Variants in SAR1A observed in about 807,000 individuals in gnomAD.
SAR1A encodes small COPII coat GTPase SAR1A.
SAR1A carries 6 observed loss-of-function variants against 22.6 expected under a neutral mutation model. That is an observed-to-expected ratio of 0.27 (90% CI 0.15 to 0.52). The LOEUF is 0.52. Ranked by LOEUF, SAR1A falls within the 20% of genes least tolerant of loss-of-function variation. The probability of loss-of-function intolerance (pLI) is 0.96; values close to 1 mark genes in which losing one functional copy is unlikely to be tolerated. For missense variants in SAR1A, 145 were observed against 245.1 expected (o/e 0.59, Z 2.73); for synonymous variants, 70 against 82.2 (o/e 0.85, Z 0.80).
chr10:70,166,340 A>G (rs1162360383), intron 1 of SAR1A, among the ~76,000 whole-genome samples: 2 of 152,232 alleles, frequency 1.3e-5, no homozygotes, highest in African/African-American at 4.8e-5. Context: ...GTGAAGAACA[A>G]CTCTAGGAAA....
rs1839469478 is a variant in SAR1A, at chr10:70,161,735, A to G, written c.62T>C (p.Leu21Pro). ...TACAAGTTTTCCAGATTTCTTGTAC[A>G]GTCCTAAAAGAGAAAAAAATTGTTA... Reference protein sequence around the residue: ...GFSSVLQFLGLYKKSGKLVFL... With the variant: ...GFSSVLQFLGPYKKSGKLVFL... Residue 21 changes from leucine to proline, a missense_variant, in exon 3 of 7, where the codon CTG becomes CCG. Around this residue, in one of 3 missense-constraint regions of SAR1A, gnomAD observed 22 missense variants for 24.8 expected, o/e 0.89. Coordinates refer to ENST00000373241, the MANE Select transcript of SAR1A (RefSeq NM_020150.5). 1.2e-6 allele frequency: 2 copies of G among 1,613,752 alleles called. No homozygotes were observed. Among genetic ancestry groups the G allele is most frequent in the African/African-American group, 1.3e-5 (1 of 75,006 alleles).
chr10:70,154,961 AAG>A (rs1839368984), intron 5 of SAR1A: 1 of 401,996 alleles, frequency 2.5e-6, no homozygotes, highest in African/African-American at 2.1e-5. Context: ...AAGGAGAAGT[AAG>A]AACATAAACA....
intron 1 of SAR1A, chr10:70,162,541 G>C (rs1220011307): frequency 6.6e-6 from 1 of 150,398 alleles, no homozygotes; most frequent in Non-Finnish European, 1.5e-5. Context: ...AGGAAGCAAA[G>C]TAAAGAGAAA....
At chr10:70,163,759 T>C (rs921071448) in intron 1 of SAR1A, 85 of 994,364 alleles carry the variant, frequency 8.5e-5, no homozygotes, top group Non-Finnish European at 1.3e-4. Context: ...AAGATGGTGA[T>C]GGAACTATAA....
At chr10:70,169,290 C>A (rs1839593413) in intron 1 of SAR1A, among the ~76,000 whole-genome samples, 1 of 151,936 alleles carries the variant, frequency 6.6e-6, no homozygotes, top group Admixed American at 6.6e-5. Context: ...ACTAAAACTT[C>A]TTTAACCCAC....
chr10:70,149,869 T>C lies in SAR1A; in HGVS notation c.*2607A>G, dbSNP rs1839307193. 1 of 152,144 alleles carries C rather than the reference T, an allele frequency of 6.6e-6. No homozygotes were observed. Among genetic ancestry groups the C allele is most frequent in the Admixed American group, 6.5e-5 (1 of 15,276 alleles). 9.4% of individuals were successfully genotyped at this position (152,144 alleles called of 1,614,324 possible). On this transcript the variant is annotated 3_prime_UTR_variant, in exon 7 of 7. Transcript: ENST00000373241. ...ACACCTGGCCAATTCTAATTCTGTG[T>C]AAAATGAGTGAAACACAGCTAAACT...
intron 1 of SAR1A, chr10:70,163,840 T>G (rs1298600335): frequency 6.5e-7 from 1 of 1,533,508 alleles, no homozygotes; most frequent in African/African-American, 1.4e-5. Flanking sequence ...CAGGACATGA[T>G]TAATGAAGTA....
intron 1 of SAR1A, among the ~76,000 whole-genome samples, chr10:70,167,773 G>T (rs1179387845): frequency 6.6e-6 from 1 of 152,178 alleles, no homozygotes; most frequent in South Asian, 2.1e-4. Context: ...AGTTTGGGTG[G>T]ATACATACTA....
chr10:70,163,556 A>G, intron 1 of SAR1A: 1 of 553,816 alleles, frequency 1.8e-6, no homozygotes, highest in Non-Finnish European at 3.2e-6. Flanking sequence ...AAATCCTAGG[A>G]CCCATACTCA....
Position 70,150,449 on chromosome 10 carries a change from T to C in SAR1A, c.*2027A>G, listed in dbSNP as rs1412577186. 3 of 152,222 alleles carry C rather than the reference T, an allele frequency of 2.0e-5. No homozygotes were observed. Among genetic ancestry groups the C allele is most frequent in the African/African-American group, 7.2e-5 (3 of 41,462 alleles). The allele number at this position is 152,222 out of a possible 1,614,324, so 9.4% of individuals were successfully genotyped here. A position where few individuals can be genotyped will look rare whatever the true frequency, so the allele number is the denominator to read the frequency against. ...GGGCAAGAAATACATTGGTTCTAACTGATTTTCAATCCCCTTTCTCCAGTG... is the reference window on the plus strand; with the variant it reads ...GGGCAAGAAATACATTGGTTCTAACCGATTTTCAATCCCCTTTCTCCAGTG... On this transcript the variant is annotated 3_prime_UTR_variant, in exon 7 of 7. Coordinates refer to ENST00000373241, the MANE Select transcript of SAR1A (RefSeq NM_020150.5).
rs375081613 is a variant in SAR1A at position 70,161,845 on chromosome 10, G to T, written c.58+13C>A. The T allele has an allele frequency of 6.2e-7, 1 of 1,613,444 alleles. No homozygotes were observed. Among genetic ancestry groups the T allele is most frequent in the African/African-American group, 1.3e-5 (1 of 74,898 alleles). On this transcript the variant is annotated intron_variant, in intron 2 of 6. Coordinates refer to ENST00000373241, the MANE Select transcript of SAR1A (RefSeq NM_020150.5). ...CAAACTTTGAAACCTGTATTTCAAGGAAATGGCTTTACCTAGGAACTGGAG... is the reference window on the plus strand; with the variant it reads ...CAAACTTTGAAACCTGTATTTCAAGTAAATGGCTTTACCTAGGAACTGGAG...
chr10:70,164,496 C>T (rs79918134), intron 1 of SAR1A, among the ~76,000 whole-genome samples: 3,992 of 152,244 alleles, frequency 0.026, 108 homozygotes, highest in East Asian at 0.15. Flanking sequence ...GTGTGGACTA[C>T]GGACAGCCAA....
At chr10:70,167,793 G>T (rs1339481075) in intron 1 of SAR1A, among the ~76,000 whole-genome samples, 1 of 152,042 alleles carries the variant, frequency 6.6e-6, no homozygotes, top group East Asian at 1.9e-4. Flanking sequence ...AGGCTCTTAC[G>T]AAAAAATACT....
rs201493587 is a variant in SAR1A, at chr10:70,151,259, CAAAAAAAAAAAAAAA to C, written c.*1202_*1216del. Reference sequence around the variant, plus strand: ...GCAATGGAGAAAGACAATTTCATACCAAAAAAAAAAAAAAAAAAAAAAAAACCTGGAAAAGCTACA... The same window carrying C: ...GCAATGGAGAAAGACAATTTCATACCAAAAAAAAAACCTGGAAAAGCTACA... On this transcript the variant is annotated 3_prime_UTR_variant, in exon 7 of 7. Transcript: ENST00000373241. 1.4e-5 allele frequency: 1 copy of C among 70,388 alleles called. No homozygotes were observed. The highest frequency in any genetic ancestry group is 2.6e-5 in the Non-Finnish European group (1 of 38,030). 4.4% of individuals were successfully genotyped at this position (70,388 alleles called of 1,614,324 possible). A position where few individuals can be genotyped will look rare whatever the true frequency, so the allele number is the denominator to read the frequency against.
rs1419947829 is a variant in SAR1A, at chr10:70,148,313, C to T, written c.*4163G>A. ...AACCCCAGCACAACACAGGATAATG[C>T]TCCCAGTACTCCCAGTGACACAAAC... On this transcript the variant is annotated 3_prime_UTR_variant, in exon 7 of 7. Transcript: ENST00000373241. 6.6e-6 allele frequency: 1 copy of T among 152,222 alleles called. No homozygotes were observed. Among genetic ancestry groups the T allele is most frequent in the African/African-American group, 2.4e-5 (1 of 41,448 alleles). 9.4% of individuals were successfully genotyped at this position (152,222 alleles called of 1,614,324 possible).
At chr10:70,154,316 TGGCTA>T (rs1564569024) in intron 5 of SAR1A, among the ~76,000 whole-genome samples, 1 of 152,222 alleles carries the variant, frequency 6.6e-6, no homozygotes, top group East Asian at 1.9e-4. Flanking sequence ...ATGAATGCTC[TGGCTA>T]CAGAGCCTCA....
intron 1 of SAR1A, among the ~76,000 whole-genome samples, chr10:70,168,314 T>C (rs1272677391): frequency 2.0e-5 from 3 of 152,156 alleles, no homozygotes; most frequent in Non-Finnish European, 4.4e-5. Flanking sequence ...ATTCATCTAG[T>C]TGAAAATACT....
chr10:70,158,759 A>G (rs201160804), intron 4 of SAR1A, among the ~76,000 whole-genome samples: 1 of 143,770 alleles, frequency 7.0e-6, no homozygotes, highest in Non-Finnish European at 1.5e-5. Context: ...AAGTTATACA[A>G]AAAAAAAAAA....
chr10:70,169,716 T>C (rs957495739), intron 1 of SAR1A, among the ~76,000 whole-genome samples: 1 of 152,212 alleles, frequency 6.6e-6, no homozygotes, highest in African/African-American at 2.4e-5. Context: ...GTCAGCCCCA[T>C]GGCGAATCTC....
Sources: gnomAD v4.1 joint callset for allele counts (sites outside exome capture counted in the v4.1 genomes callset) on GRCh38, gnomAD v4.1.1 for gene constraint, gnomAD v4.1.1 regional missense constraint, MANE v1.5 for transcripts, NCBI Gene and HGNC (gene_info 2026-07-23, HGNC 2026-07-21) for gene names.